The following SOCS5 variants were observed in gnomAD, a reference collection of about 807,000 sequenced individuals.
The protein encoded by SOCS5 is suppressor of cytokine signaling 5.
In SOCS5, 32 loss-of-function variants were observed where a neutral mutation model predicts 42.8. The observed-to-expected ratio is 0.75, with a 90% CI of 0.56 to 1.01. SOCS5 has a LOEUF of 1.01. Ranked by LOEUF, SOCS5 falls within the 50% of genes least tolerant of loss-of-function variation. The pLI, the probability that SOCS5 is intolerant of heterozygous loss-of-function variation, is 0.00. For synonymous variants in SOCS5, 283 were observed against 229.6 expected (o/e 1.23, Z -2.10); for missense variants, 627 against 653.0 (o/e 0.96, Z 0.43).
At chr2:46,726,722 G>A (rs1307282455) in intron 1 of SOCS5, among the ~76,000 whole-genome samples, 2 of 144,886 alleles carry the variant, frequency 1.4e-5, no homozygotes, top group Non-Finnish European at 3.0e-5. Flanking sequence ...TTCAGTTACA[G>A]TATTTTTCAG....
At chr2:46,736,243 A>G (rs60470928) in intron 1 of SOCS5, among the ~76,000 whole-genome samples, 8,601 of 152,046 alleles carry the variant, frequency 0.057, 310 homozygotes, top group Non-Finnish European at 0.069. Flanking sequence ...AGGCCTCACT[A>G]TATTACCCAG....
rs1279984437 is a variant in SOCS5 at position 46,750,982 on chromosome 2, A to G, written c.-12-7537A>G. 1.3e-5 allele frequency among the ~76,000 whole-genome samples: 2 copies of G among 152,288 alleles called. 1 individual carries two copies. The highest frequency in any genetic ancestry group is 4.1e-4 in the South Asian group (2 of 4,830). ...AAGTTTTAAAGAACTTAATGACACT[A>G]TTGTACTTGGACTTAGAATAATTAA... is the stretch of plus-strand genomic sequence containing the variant. On this transcript the variant is annotated intron_variant, in intron 1 of 1. Transcript: ENST00000394861.
chr2:46,704,105 A>C (rs1465357489), intron 1 of SOCS5, among the ~76,000 whole-genome samples: 1 of 152,202 alleles, frequency 6.6e-6, no homozygotes, highest in East Asian at 1.9e-4. Flanking sequence ...AATTTACCTT[A>C]CTCTGATGAG....
intron 1 of SOCS5, among the ~76,000 whole-genome samples, chr2:46,702,796 G>A (rs1195004046): frequency 6.6e-6 from 1 of 152,182 alleles, no homozygotes; most frequent in Admixed American, 6.5e-5. Flanking sequence ...AAATGTTTTT[G>A]ACGGTGACAG....
intron 1 of SOCS5, among the ~76,000 whole-genome samples, chr2:46,705,130 GTTTTAAA>G (rs1440180789): frequency 6.6e-6 from 1 of 152,186 alleles, no homozygotes; most frequent in Non-Finnish European, 1.5e-5. Context: ...CAGCAAAAGT[GTTTTAAA>G]ACACTTTTAC....
intron 1 of SOCS5, among the ~76,000 whole-genome samples, chr2:46,733,302 C>G (rs555224872): frequency 5.3e-4 from 81 of 152,060 alleles, no homozygotes; most frequent in Non-Finnish European, 1.1e-3. Flanking sequence ...ACCATGTTAG[C>G]CATCCTGGTC....
rs1178143726 is a variant in SOCS5, at chr2:46,758,389, G to A, written c.-12-130G>A. On this transcript the variant is annotated intron_variant, in intron 1 of 1. Transcript: ENST00000394861. ...ACACACGGCCTCATCACTTCAGCAG[G>A]GCAGCGTAGGTGAACGCTTGGCCAG... 5 of 658,244 alleles carry A rather than the reference G, an allele frequency of 7.6e-6. No individual in the cohort carries two copies. The East Asian group carries it at 1.4e-4, about 18-fold the overall frequency. The allele number at this position is 658,244 out of a possible 1,614,324, so 40.8% of individuals were successfully genotyped here. A position where few individuals can be genotyped will look rare whatever the true frequency, so the allele number is the denominator to read the frequency against.
At chr2:46,706,252 G>A (rs779317810) in intron 1 of SOCS5, among the ~76,000 whole-genome samples, 4 of 152,196 alleles carry the variant, frequency 2.6e-5, no homozygotes, top group Non-Finnish European at 5.9e-5. Flanking sequence ...AGTTTGACAC[G>A]GGAAGGTTAA....
At chr2:46,702,432 C>G (rs1672365635) in intron 1 of SOCS5, among the ~76,000 whole-genome samples, 1 of 152,214 alleles carries the variant, frequency 6.6e-6, no homozygotes, top group South Asian at 2.1e-4. Context: ...TTCTGAATGT[C>G]ATTGGGAGAT....
At chr2:46,710,028 T>A (rs1280117039) in intron 1 of SOCS5, among the ~76,000 whole-genome samples, 1 of 152,174 alleles carries the variant, frequency 6.6e-6, no homozygotes, top group Non-Finnish European at 1.5e-5. Context: ...AAGGCAAGGG[T>A]TCAAGTGATT....
At chr2:46,718,619 TTAAC>T (rs1490348200) in intron 1 of SOCS5, among the ~76,000 whole-genome samples, 2 of 152,180 alleles carry the variant, frequency 1.3e-5, no homozygotes, top group Non-Finnish European at 2.9e-5. Flanking sequence ...TTAAGTTTAA[TTAAC>T]AGAGCTAAAT....
At chr2:46,735,090 G>C (rs1235917343) in intron 1 of SOCS5, among the ~76,000 whole-genome samples, 1 of 152,154 alleles carries the variant, frequency 6.6e-6, no homozygotes, top group Non-Finnish European at 1.5e-5. Context: ...GCATTAGTTA[G>C]GATTAGTTGG....
At chr2:46,738,815 G>A (rs1382842342) in intron 1 of SOCS5, among the ~76,000 whole-genome samples, 1 of 152,182 alleles carries the variant, frequency 6.6e-6, no homozygotes, top group Non-Finnish European at 1.5e-5. Flanking sequence ...AATAGATGAA[G>A]TTCATCAATC....
At chr2:46,727,012 T>C (rs1207310560) in intron 1 of SOCS5, among the ~76,000 whole-genome samples, 1 of 152,008 alleles carries the variant, frequency 6.6e-6, no homozygotes, top group Non-Finnish European at 1.5e-5. Flanking sequence ...CACCTCAGCC[T>C]CCCAAAGTTC....
chr2:46,753,779 C>A (rs1483747742), intron 1 of SOCS5, among the ~76,000 whole-genome samples: 1 of 152,124 alleles, frequency 6.6e-6, no homozygotes, highest in Non-Finnish European at 1.5e-5. Flanking sequence ...ATTCCTGGAA[C>A]TGAAGGTTCC....
chr2:46,758,304 G>A (rs900797661), intron 1 of SOCS5, among the ~76,000 whole-genome samples: 1 of 152,194 alleles, frequency 6.6e-6, no homozygotes, highest in African/African-American at 2.4e-5. Context: ...GGGAAGTAAT[G>A]ACTGGCTTGA....
chr2:46,719,689 A>G (rs1442319716), intron 1 of SOCS5, among the ~76,000 whole-genome samples: 1 of 152,158 alleles, frequency 6.6e-6, no homozygotes, highest in Admixed American at 6.6e-5. Flanking sequence ...AGCTCCACAT[A>G]TTTTGCTATA....
chr2:46,735,574 G>A (rs923691629), intron 1 of SOCS5, among the ~76,000 whole-genome samples: 1 of 151,786 alleles, frequency 6.6e-6, no homozygotes, highest in African/African-American at 2.4e-5. Context: ...ATTGTCATTT[G>A]CCTTCTCTGC....
At chr2:46,726,106 A>AT (rs1672984138) in intron 1 of SOCS5, among the ~76,000 whole-genome samples, 1 of 151,028 alleles carries the variant, frequency 6.6e-6, no homozygotes, top group Non-Finnish European at 1.5e-5. Flanking sequence ...TTATTTATTT[A>AT]TTTTTTTGTA....
Sources: allele counts gnomAD v4.1 joint callset (sites outside exome capture counted in the v4.1 genomes callset), GRCh38; gene constraint gnomAD v4.1.1; transcripts MANE v1.5; gene names NCBI Gene and HGNC (gene_info 2026-07-23, HGNC 2026-07-21).